Variants in EGFLAM observed in about 807,000 individuals in gnomAD.
EGFLAM encodes EGF like, fibronectin type III and laminin G domains, also known as pikachurin.
In EGFLAM, 79 loss-of-function variants were observed where a neutral mutation model predicts 113.1. That is an observed-to-expected ratio of 0.70 (90% confidence interval 0.58 to 0.84). The LOEUF (loss-of-function observed/expected upper bound fraction) is 0.84, where lower values mean the gene tolerates loss of function less well. EGFLAM is among the 40% of genes least tolerant of loss of function. The probability of loss-of-function intolerance (pLI) is 0.00; values close to 1 mark genes in which losing one functional copy is unlikely to be tolerated. For missense variants in EGFLAM, 1,265 were observed against 1,291.6 expected (o/e 0.98, Z 0.32); for synonymous variants, 504 against 487.6 (o/e 1.03, Z -0.44).
chr5:38,332,238 TGTCTGTTAAG>T (rs1739062026), intron 1 of EGFLAM, among the ~76,000 whole-genome samples: 1 of 152,232 alleles, frequency 6.6e-6, no homozygotes, highest in African/African-American at 2.4e-5. Context: ...TTTGGTGAGA[TGTCTGTTAAG>T]GTCTTGGTCC....
intron 19 of EGFLAM, among the ~76,000 whole-genome samples, chr5:38,452,456 T>C (rs149516083): frequency 6.6e-6 from 1 of 152,320 alleles, no homozygotes; most frequent in Non-Finnish European, 1.5e-5. Context: ...TGAGGAACAA[T>C]TCTGTGCCCT....
At chr5:38,448,189 G>C in intron 17 of EGFLAM, 112 bp from the exon 18 acceptor site, 1 of 1,170,664 alleles carries the variant, frequency 8.5e-7, no homozygotes. Context: ...AGGGGCTGAT[G>C]AATTGTTAAA....
chr5:38,392,781 C>A (rs183192529), intron 6 of EGFLAM, among the ~76,000 whole-genome samples: 2 of 152,176 alleles, frequency 1.3e-5, no homozygotes, highest in East Asian at 3.9e-4. Flanking sequence ...TGTGCTGCAC[C>A]CATTAACTCA....
chr5:38,452,867 G>A (rs772263570), intron 19 of EGFLAM, among the ~76,000 whole-genome samples: 4 of 152,204 alleles, frequency 2.6e-5, no homozygotes, highest in Non-Finnish European at 5.9e-5. Context: ...TAGCTATGAA[G>A]TGGTTAAAGA....
Position 38,370,379 on chromosome 5 carries a change from CCAACTA to C in EGFLAM, c.631_636del (p.Asn211_Tyr212del), listed in dbSNP as rs1488924967. On this transcript the variant is annotated inframe_deletion, in exon 6 of 22. Transcript: ENST00000322350. ...GTTATCAAGGGCCTCGATCCAGATA[CCAACTA>C]CCAGTTTGCCGTGAGGGCAATGAAT... is the stretch of plus-strand genomic sequence containing the variant. 9 of 1,614,194 alleles carry C rather than the reference CCAACTA, an allele frequency of 5.6e-6. No homozygotes were observed. Among genetic ancestry groups the C allele is most frequent in the Non-Finnish European group, 7.6e-6 (9 of 1,180,040 alleles).
At chr5:38,288,861 T>G (rs538474317) in intron 1 of EGFLAM, among the ~76,000 whole-genome samples, 2 of 152,128 alleles carry the variant, frequency 1.3e-5, no homozygotes, top group Admixed American at 6.5e-5. Flanking sequence ...AATATTGGGG[T>G]GGTTTTGAGT....
intron 1 of EGFLAM, among the ~76,000 whole-genome samples, chr5:38,266,433 G>T (rs1032488618): frequency 6.6e-6 from 1 of 152,188 alleles, no homozygotes; most frequent in African/African-American, 2.4e-5. Flanking sequence ...CATTAAAAAG[G>T]ATTAAAGACT....
chr5:38,352,056 T>C (rs1739640813), intron 4 of EGFLAM, 140 bp from the exon 5 acceptor site: 2 of 1,144,396 alleles, frequency 1.7e-6, no homozygotes, highest in South Asian at 3.1e-5. Flanking sequence ...ACAGAGATAT[T>C]TTGGGTATAG....
At chr5:38,377,417 T>A (rs575553717) in intron 6 of EGFLAM, among the ~76,000 whole-genome samples, 39 of 152,310 alleles carry the variant, frequency 2.6e-4, no homozygotes, top group Non-Finnish European at 4.9e-4. Context: ...GTGCTGGGAT[T>A]ACAGGCGTGA....
rs146091117 is a variant in EGFLAM, at chr5:38,434,298, G to A, written c.2167-839G>A. ...TGAGACTCCCGTGTCCGGCACCCAG[G>A]TGCACCCATAGCCACCTGTACAGTT... is the stretch of plus-strand genomic sequence containing the variant. On this transcript the variant is annotated intron_variant, in intron 15 of 21. Coordinates refer to ENST00000322350, the MANE Select transcript of EGFLAM (RefSeq NM_152403.4). 8.9e-4 allele frequency among the ~76,000 whole-genome samples: 135 copies of A among 152,272 alleles called. 3 individuals are homozygous for A. In the East Asian group the frequency reaches 0.021, roughly 24 times the overall value.
intron 1 of EGFLAM, among the ~76,000 whole-genome samples, chr5:38,329,594 C>T (rs1738987882): frequency 6.6e-6 from 1 of 152,098 alleles, no homozygotes; most frequent in African/African-American, 2.4e-5. Context: ...CACTTTTGTT[C>T]TGTCTTTCAC....
intron 1 of EGFLAM, among the ~76,000 whole-genome samples, chr5:38,279,384 G>A (rs746532749): frequency 6.6e-6 from 1 of 152,146 alleles, no homozygotes; most frequent in Admixed American, 6.5e-5. Flanking sequence ...AAAAGGAAAT[G>A]AAATCAGTAC....
chr5:38,383,011 C>T (rs1579847642), intron 6 of EGFLAM, among the ~76,000 whole-genome samples: 1 of 152,302 alleles, frequency 6.6e-6, no homozygotes, highest in African/African-American at 2.4e-5. Flanking sequence ...AGTCATCCAG[C>T]AGATGGCAGT....
At chr5:38,449,603 A>C (rs1405356927) in intron 18 of EGFLAM, among the ~76,000 whole-genome samples, 1 of 152,098 alleles carries the variant, frequency 6.6e-6, no homozygotes, top group Non-Finnish European at 1.5e-5. Context: ...TGATGAGAGC[A>C]GGAGACATGA....
At chr5:38,338,915 A>G in intron 3 of EGFLAM, 134 bp downstream of exon 3, 1 of 750,310 alleles carries the variant, frequency 1.3e-6, no homozygotes, top group Non-Finnish European at 2.2e-6. Flanking sequence ...AGGATTTCCA[A>G]ATGTCATTCA....
chr5:38,417,300 A>G (rs1304346659), intron 11 of EGFLAM, among the ~76,000 whole-genome samples: 1 of 129,514 alleles, frequency 7.7e-6, no homozygotes, highest in Non-Finnish European at 1.6e-5. Context: ...GTGAGCCAGG[A>G]TGGTGCCTTT....
chr5:38,325,800 C>T (rs900921879), intron 1 of EGFLAM, among the ~76,000 whole-genome samples: 1 of 151,786 alleles, frequency 6.6e-6, no homozygotes, highest in Non-Finnish European at 1.5e-5. Flanking sequence ...CCAGTAACAT[C>T]AGAATGGTTG....
intron 5 of EGFLAM, among the ~76,000 whole-genome samples, chr5:38,355,354 G>T (rs888193723): frequency 6.6e-5 from 10 of 152,148 alleles, no homozygotes; most frequent in African/African-American, 2.4e-4. Context: ...GATGAAGGGG[G>T]GAGTCTGGAG....
In EGFLAM at chr5:38,407,786, T is replaced by G. The variant is rs2961882; in HGVS notation, c.1148-19T>G. The G allele has an allele frequency of 5.7e-6, 9 of 1,573,148 alleles. No individual in the cohort carries two copies. The Admixed American group carries it at 1.4e-4, about 24-fold the overall frequency. Reference sequence around the variant, plus strand: ...GTGAGGAAATAGCATTCTTTTGTGTTGTCTTTTTTCTTCTTCAGATATTGT... The same window carrying G: ...GTGAGGAAATAGCATTCTTTTGTGTGGTCTTTTTTCTTCTTCAGATATTGT... On this transcript the variant is annotated intron_variant, in intron 8 of 21. Coordinates refer to ENST00000322350, the MANE Select transcript of EGFLAM (RefSeq NM_152403.4).
Sources: allele counts gnomAD v4.1 joint callset (sites outside exome capture counted in the v4.1 genomes callset), GRCh38; gene constraint gnomAD v4.1.1; transcripts MANE v1.5; gene names NCBI Gene and HGNC (gene_info 2026-07-23, HGNC 2026-07-21).